Variants in GINM1 observed in about 807,000 individuals in gnomAD.
GINM1 encodes glycoprotein integral membrane protein 1.
Under a neutral mutation model 37.8 loss-of-function variants are expected in GINM1, and 29 were observed. The observed-to-expected ratio is 0.77, with a 90% CI of 0.57 to 1.05. GINM1 has a LOEUF of 1.05. GINM1 is among the 50% of genes least tolerant of loss of function. The pLI, the probability that GINM1 is intolerant of heterozygous loss-of-function variation, is 0.00. For missense variants in GINM1, 377 were observed against 397.9 expected (o/e 0.95, Z 0.45); for synonymous variants, 143 against 146.2 (o/e 0.98, Z 0.16).
chr6:149,581,454 C>T (rs530836309), intron 6 of GINM1, among the ~76,000 whole-genome samples: 2 of 152,192 alleles, frequency 1.3e-5, no homozygotes, highest in South Asian at 2.1e-4. Context: ...CCACCATCCC[C>T]GGCCGATAAT....
chr6:149,567,955 T>C (rs1777747916), intron 1 of GINM1, among the ~76,000 whole-genome samples: 1 of 152,206 alleles, frequency 6.6e-6, no homozygotes, highest in African/African-American at 2.4e-5. Flanking sequence ...TATGTGTCAA[T>C]GAGATGTTTA....
rs115432061 is a variant in GINM1, at chr6:149,576,634, A to G, written c.278-2188A>G. On this transcript the variant is annotated intron_variant, in intron 3 of 7. Coordinates refer to ENST00000367419, the MANE Select transcript of GINM1 (RefSeq NM_138785.5). Reference sequence around the variant, plus strand: ...AAATCATTCATAGATCGATAGATAGATAGGTAACTAACTGACTAGTCACTA... The same window carrying G: ...AAATCATTCATAGATCGATAGATAGGTAGGTAACTAACTGACTAGTCACTA... Among the ~76,000 whole-genome samples the G allele has an allele frequency of 1.6e-3, 246 of 152,266 alleles. 1 individual carries two copies. The highest frequency in any genetic ancestry group is 5.6e-3 in the African/African-American group (231 of 41,562).
At chr6:149,577,682 A>G (rs1440571987) in intron 3 of GINM1, among the ~76,000 whole-genome samples, 1 of 152,226 alleles carries the variant, frequency 6.6e-6, no homozygotes, top group Non-Finnish European at 1.5e-5. Flanking sequence ...AGCCCTATAG[A>G]TGCACAGAAT....
intron 1 of GINM1, among the ~76,000 whole-genome samples, chr6:149,569,575 T>G (rs958120700): frequency 1.2e-4 from 18 of 151,852 alleles, no homozygotes. Context: ...TGACCTCAGG[T>G]GATCCACCCG....
intron 7 of GINM1, among the ~76,000 whole-genome samples, chr6:149,586,167 C>T (rs951691557): frequency 3.9e-5 from 6 of 152,158 alleles, no homozygotes; most frequent in African/African-American, 1.4e-4. Context: ...GTAGGCTGTA[C>T]AAGAAGCATG....
intron 1 of GINM1, among the ~76,000 whole-genome samples, chr6:149,569,253 C>G (rs547326685): frequency 1.3e-5 from 2 of 150,724 alleles, no homozygotes; most frequent in East Asian, 1.9e-4. Context: ...CTAGGTTGGT[C>G]TCGAACTCCT....
In GINM1 at chr6:149,580,595, A is replaced by G; in HGVS notation, c.589A>G (p.Ser197Gly). The change falls in exon 6 of 8, where the codon AGT becomes GGT. Residue 197 changes from serine to glycine, a missense_variant and splice_region_variant. Physicochemically the swap from Ser to Gly is moderately conservative, Grantham distance 56. Transcript: ENST00000367419. Reference sequence around the variant, plus strand: ...ACGTTGCTCTTTCTCCTGGGTAGAAAGTGTTAGTTCACTGCAAACCACTAG... The same window carrying G: ...ACGTTGCTCTTTCTCCTGGGTAGAAGGTGTTAGTTCACTGCAAACCACTAG... ...FTLPNLSKKE[S>G]VSSLQTTSQY... is the part of the protein sequence containing the mutation. The G allele has an allele frequency of 6.2e-7, 1 of 1,607,232 alleles. No individual in the cohort carries two copies. The highest frequency in any genetic ancestry group is 8.5e-7 in the Non-Finnish European group (1 of 1,177,234).
chr6:149,577,900 C>A (rs1425064082), intron 3 of GINM1, among the ~76,000 whole-genome samples: 3 of 152,212 alleles, frequency 2.0e-5, no homozygotes, highest in Non-Finnish European at 4.4e-5. Flanking sequence ...CACCCCGTTT[C>A]TACTGGAGCA....
intron 3 of GINM1, among the ~76,000 whole-genome samples, chr6:149,573,916 C>T (rs905884229): frequency 1.3e-5 from 2 of 151,230 alleles, no homozygotes; most frequent in Non-Finnish European, 2.9e-5. Context: ...GTTTCTTCTA[C>T]CCTTATGTCA....
intron 3 of GINM1, among the ~76,000 whole-genome samples, chr6:149,578,544 A>AT (rs1562271857): frequency 6.6e-6 from 1 of 151,886 alleles, no homozygotes; most frequent in African/African-American, 2.4e-5. Flanking sequence ...AAAAAAAAAA[A>AT]AAAGAATAGG....
At position 149,591,522 on chromosome 6, in the gene GINM1, T is replaced by G. The variant is rs1778154725; in HGVS notation, c.*684T>G. ...TATATAAGACTTTATGAAAAGCACTTTATAAAATTCTAATTTAAAAGGTCA... is the reference window on the plus strand; with the variant it reads ...TATATAAGACTTTATGAAAAGCACTGTATAAAATTCTAATTTAAAAGGTCA... On this transcript the variant is annotated 3_prime_UTR_variant, in exon 8 of 8. Coordinates refer to ENST00000367419, the MANE Select transcript of GINM1 (RefSeq NM_138785.5). 1 of 152,154 alleles carries G rather than the reference T, an allele frequency of 6.6e-6. No individual in the cohort carries two copies. The highest frequency in any genetic ancestry group is 2.4e-5 in the African/African-American group (1 of 41,442). The allele number at this position is 152,154 out of a possible 1,614,324, so 9.4% of individuals were successfully genotyped here. A position where few individuals can be genotyped will look rare whatever the true frequency, so the allele number is the denominator to read the frequency against.
At chr6:149,571,917 C>T (rs1050811645) in intron 1 of GINM1, among the ~76,000 whole-genome samples, 4 of 151,842 alleles carry the variant, frequency 2.6e-5, no homozygotes, top group Non-Finnish European at 5.9e-5. Flanking sequence ...CCCATCTCTA[C>T]TAAAAATACA....
At chr6:149,585,215 A>G (rs1778052484) in intron 7 of GINM1, among the ~76,000 whole-genome samples, 1 of 152,158 alleles carries the variant, frequency 6.6e-6, no homozygotes, top group African/African-American at 2.4e-5. Context: ...AACAGATGCA[A>G]TATAAAATTA....
intron 3 of GINM1, chr6:149,577,256 C>G (rs893993796): frequency 6.6e-6 from 1 of 152,238 alleles, no homozygotes; most frequent in Non-Finnish European, 1.5e-5. Context: ...TCTCCTGTAC[C>G]TTAGTCTTTG....
intron 6 of GINM1, chr6:149,582,115 A>T: frequency 2.1e-6 from 1 of 485,300 alleles, no homozygotes; most frequent in South Asian, 1.6e-5. Flanking sequence ...AGCCTAACGA[A>T]TCTCTTGTCA....
chr6:149,582,145 T>G (rs1020246936), intron 6 of GINM1: 5 of 506,040 alleles, frequency 9.9e-6, no homozygotes, highest in East Asian at 5.8e-5. Context: ...TATTTTCACT[T>G]GATTTGTAGT....
intron 3 of GINM1, among the ~76,000 whole-genome samples, chr6:149,575,762 G>A (rs554780378): frequency 1.1e-4 from 17 of 152,326 alleles, no homozygotes; most frequent in Middle Eastern, 3.4e-3. Context: ...AAGAAAGGAA[G>A]TGCTAGTACT....
chr6:149,573,659 G>C (rs890860506), intron 3 of GINM1, among the ~76,000 whole-genome samples: 8 of 152,060 alleles, frequency 5.3e-5, no homozygotes, highest in Non-Finnish European at 1.0e-4. Flanking sequence ...CCTGAGCCCT[G>C]AGTTCGAGAC....
At chr6:149,580,412 A>G (rs1777981894) in intron 5 of GINM1, among the ~76,000 whole-genome samples, 181 bp from the exon 6 acceptor site, 1 of 152,254 alleles carries the variant, frequency 6.6e-6, no homozygotes, top group Non-Finnish European at 1.5e-5. Flanking sequence ...AGCTCCTTAT[A>G]CGTGTCTTAG....
Sources: gnomAD v4.1 joint callset for allele counts (sites outside exome capture counted in the v4.1 genomes callset) on GRCh38, gnomAD v4.1.1 for gene constraint, MANE v1.5 for transcripts, NCBI Gene and HGNC (gene_info 2026-07-23, HGNC 2026-07-21) for gene names.